Variants in RIT2 observed in about 807,000 individuals in gnomAD.
The protein encoded by RIT2 is Ras like without CAAX 2.
A neutral mutation model predicts 23.7 loss-of-function variants in RIT2; 24 were observed. The ratio of observed to expected loss-of-function variants is 1.01; its 90% CI spans 0.73 to 1.43. The LOEUF (loss-of-function observed/expected upper bound fraction) is 1.43, where lower values mean the gene tolerates loss of function less well. RIT2 is among the 40% of genes most tolerant of loss of function. RIT2 has a pLI of 0.00. For missense variants in RIT2, 236 were observed against 266.9 expected (o/e 0.88, Z 0.81); for synonymous variants, 107 against 91.1 (o/e 1.17, Z -0.99).
intron 4 of RIT2, among the ~76,000 whole-genome samples, chr18:42,872,728 A>G (rs539861198): frequency 2.1e-3 from 319 of 152,316 alleles, no homozygotes; most frequent in African/African-American, 7.2e-3. Flanking sequence ...AATAAACATA[A>G]TTACTTAGTA....
chr18:42,877,692 C>A, intron 4 of RIT2, among the ~76,000 whole-genome samples: 1 of 151,594 alleles, frequency 6.6e-6, no homozygotes, highest in African/African-American at 2.4e-5. Context: ...CCCCAAATCC[C>A]AAATCTTTTG....
intron 4 of RIT2, among the ~76,000 whole-genome samples, chr18:42,817,079 T>C (rs1039261116): frequency 5.3e-5 from 8 of 152,140 alleles, no homozygotes; most frequent in African/African-American, 1.9e-4. Flanking sequence ...TAAAACTTTT[T>C]TTTTTTGTCA....
At chr18:43,106,176 C>T (rs1156984127) in intron 1 of RIT2, among the ~76,000 whole-genome samples, 1 of 152,186 alleles carries the variant, frequency 6.6e-6, no homozygotes, top group Non-Finnish European at 1.5e-5. Context: ...ATGCAAAACT[C>T]AGAAGTGTTC....
At chr18:43,084,700 G>A (rs1322259197) in intron 1 of RIT2, among the ~76,000 whole-genome samples, 2 of 152,250 alleles carry the variant, frequency 1.3e-5, no homozygotes, top group African/African-American at 4.8e-5. Flanking sequence ...CATGGACACA[G>A]GGAGGGGAAC....
At chr18:42,750,592 A>G (rs936682084) in intron 4 of RIT2, among the ~76,000 whole-genome samples, 1 of 151,826 alleles carries the variant, frequency 6.6e-6, no homozygotes, top group Non-Finnish European at 1.5e-5. Flanking sequence ...CTCTAAATCA[A>G]CTCAGATCAC....
intron 2 of RIT2, among the ~76,000 whole-genome samples, chr18:43,026,608 G>GAAAGAAAT (rs1568059858): frequency 7.1e-6 from 1 of 140,306 alleles, no homozygotes; most frequent in African/African-American, 2.6e-5. Context: ...AAGAAAGAAA[G>GAAAGAAAT]AAAGAAAGAA....
intron 3 of RIT2, among the ~76,000 whole-genome samples, chr18:42,972,385 C>T (rs1910382370): frequency 6.6e-6 from 1 of 151,802 alleles, no homozygotes; most frequent in Admixed American, 6.6e-5. Flanking sequence ...AAAGAGATGA[C>T]CTATTTCTAG....
intron 3 of RIT2, among the ~76,000 whole-genome samples, chr18:42,961,524 C>A (rs756132754): frequency 3.3e-5 from 5 of 152,150 alleles, no homozygotes; most frequent in Non-Finnish European, 5.9e-5. Context: ...TCACTCGTAA[C>A]CACACATTTC....
intron 2 of RIT2, among the ~76,000 whole-genome samples, chr18:43,001,600 G>A (rs1437395134): frequency 1.3e-5 from 2 of 151,916 alleles, no homozygotes; most frequent in Non-Finnish European, 2.9e-5. Context: ...GAAACAGATA[G>A]GGAAGATCAT....
At chr18:42,782,157 C>T (rs1913824737) in intron 4 of RIT2, among the ~76,000 whole-genome samples, 1 of 152,116 alleles carries the variant, frequency 6.6e-6, no homozygotes, top group African/African-American at 2.4e-5. Flanking sequence ...GTCTGGAAGA[C>T]AGCTATTTAA....
intron 1 of RIT2, among the ~76,000 whole-genome samples, chr18:43,038,794 G>A (rs1213257193): frequency 1.3e-5 from 2 of 151,906 alleles, no homozygotes; most frequent in Admixed American, 1.3e-4. Context: ...TCTTAGGGTA[G>A]TTTTGTATCA....
intron 2 of RIT2, among the ~76,000 whole-genome samples, chr18:43,003,541 A>T (rs867850547): frequency 6.6e-6 from 1 of 151,866 alleles, no homozygotes; most frequent in Admixed American, 6.6e-5. Context: ...TTAAAAATAA[A>T]TTCATTCAGT....
chr18:42,841,203 C>A (rs1906759106), intron 4 of RIT2, among the ~76,000 whole-genome samples: 1 of 152,158 alleles, frequency 6.6e-6, no homozygotes, highest in Admixed American at 6.5e-5. Flanking sequence ...CAGGCATGAT[C>A]ATTGTAATAG....
intron 1 of RIT2, among the ~76,000 whole-genome samples, chr18:43,105,110 GTGTGTGTGTGTGTGTGTGTGTT>G (rs1913778672): frequency 1.4e-5 from 2 of 146,790 alleles, no homozygotes; most frequent in South Asian, 4.2e-4. Flanking sequence ...CTGTGTGTGT[GTGTGTGTGTGTGTGTGTGTGTT>G]TGTGTGTGTG....
chr18:42,764,865 C>T (rs1913384593), intron 4 of RIT2, among the ~76,000 whole-genome samples: 1 of 152,174 alleles, frequency 6.6e-6, no homozygotes, highest in African/African-American at 2.4e-5. Flanking sequence ...GCTTAAAAAA[C>T]TAATTTGTGA....
At chr18:42,906,892 G>C (rs897087937) in intron 4 of RIT2, among the ~76,000 whole-genome samples, 7 of 152,084 alleles carry the variant, frequency 4.6e-5, no homozygotes, top group Admixed American at 6.6e-5. Context: ...CAACCGTCCT[G>C]CCTATTGTCT....
intron 4 of RIT2, among the ~76,000 whole-genome samples, chr18:42,899,648 T>C (rs1270370137): frequency 6.6e-6 from 1 of 152,096 alleles, no homozygotes; most frequent in Non-Finnish European, 1.5e-5. Context: ...CATTAAAAGC[T>C]CAGCTTTGGG....
chr18:42,825,295 T>C (rs1370693237), intron 4 of RIT2, among the ~76,000 whole-genome samples: 2 of 151,830 alleles, frequency 1.3e-5, no homozygotes, highest in Non-Finnish European at 3.0e-5. Context: ...AAGCTAGAGA[T>C]AGATTAAGAA....
At chr18:42,889,417 T>C (rs1908112967) in intron 4 of RIT2, among the ~76,000 whole-genome samples, 1 of 152,040 alleles carries the variant, frequency 6.6e-6, no homozygotes, top group Non-Finnish European at 1.5e-5. Context: ...TATATAAAAC[T>C]ATAGGAAAAT....
Sources: gnomAD v4.1 joint callset for allele counts (sites outside exome capture counted in the v4.1 genomes callset) on GRCh38, gnomAD v4.1.1 for gene constraint, MANE v1.5 for transcripts, NCBI Gene and HGNC (gene_info 2026-07-23, HGNC 2026-07-21) for gene names.